Variants in PKHD1L1 observed in about 807,000 individuals in gnomAD.
The protein encoded by PKHD1L1 is PKHD1 like 1, also known as fibrocystin-L.
Under a neutral mutation model 462.9 loss-of-function variants are expected in PKHD1L1, and 434 were observed. The observed-to-expected ratio is 0.94, with a 90% CI of 0.87 to 1.02. PKHD1L1 has a LOEUF of 1.02. Among genes scored for constraint, PKHD1L1 ranks in the 50% least tolerant of loss-of-function variants. PKHD1L1 has a pLI of 0.00. For synonymous variants in PKHD1L1, 1,781 were observed against 1,750.0 expected, an observed-to-expected ratio of 1.02 and a Z score of -0.44; for missense variants, 5,202 against 5,096.1, an observed-to-expected ratio of 1.02 and a Z score of -0.63.
At position 109,485,179 on chromosome 8, in the gene PKHD1L1, T is replaced by A; in HGVS notation, c.9706+6T>A. 6.4e-7 allele frequency: 1 copy of A among 1,557,898 alleles called. No individual in the cohort carries two copies. Among genetic ancestry groups the A allele is most frequent in the African/African-American group, 1.4e-5 (1 of 72,620 alleles). ...CCTTTCCTATACTCACTTTGGTAAGTGGATGCTTTTTAACCAAATAGATAT... is the reference window on the plus strand; with the variant it reads ...CCTTTCCTATACTCACTTTGGTAAGAGGATGCTTTTTAACCAAATAGATAT... On this transcript the variant is annotated splice_donor_region_variant and intron_variant, in intron 58 of 77. Transcript: ENST00000378402.
chr8:109,449,097 T>G (rs1167095974), intron 39 of PKHD1L1, among the ~76,000 whole-genome samples: 3 of 152,184 alleles, frequency 2.0e-5, no homozygotes, highest in African/African-American at 7.2e-5. Context: ...AAAATTTTAG[T>G]TCCTCGAAAT....
intron 63 of PKHD1L1, among the ~76,000 whole-genome samples, chr8:109,493,954 C>A (rs1466003168): frequency 6.6e-6 from 1 of 151,504 alleles, no homozygotes; most frequent in East Asian, 1.9e-4. Context: ...CTTTATTTTC[C>A]CAAGTTTATG....
rs765240806 is a variant in PKHD1L1 at position 109,433,146 on chromosome 8, T to C, written c.3270T>C (p.Ser1090=). 13 of 1,613,508 alleles carry C rather than the reference T, an allele frequency of 8.1e-6. No homozygotes were observed. The highest frequency in any genetic ancestry group is 1.6e-4 in the Middle Eastern group (1 of 6,078). The part of the protein sequence containing the change: ...EEGTILTIVG[S]GFSPSSAVTV... ...GCACAATTCTAACCATAGTGGGTTC[T>C]GGATTTTCTCCTAGTTCAGCTGTAA... Residue 1090 remains serine, a synonymous_variant, in exon 28 of 78, where the codon TCT becomes TCC. Transcript: ENST00000378402.
At chr8:109,489,896 A>G in intron 59 of PKHD1L1, 56 bp from the exon 60 acceptor site, 1 of 1,070,536 alleles carries the variant, frequency 9.3e-7, no homozygotes, top group South Asian at 1.4e-5. Flanking sequence ...CTTTTCAAAA[A>G]TGTTTTATTC....
chr8:109,454,612 CAATT>C (rs1223429378), intron 44 of PKHD1L1, 107 bp from the exon 45 acceptor site: 3 of 1,419,294 alleles, frequency 2.1e-6, no homozygotes, highest in Non-Finnish European at 2.9e-6. Context: ...AACAACTGAG[CAATT>C]AATTCTCAAA....
intron 77 of PKHD1L1, among the ~76,000 whole-genome samples, chr8:109,528,510 C>T (rs1212994432): frequency 2.6e-5 from 4 of 152,094 alleles, no homozygotes; most frequent in Admixed American, 6.5e-5. Flanking sequence ...GAATTCTCTC[C>T]ACCCTACATA....
At chr8:109,415,882 T>TGC (rs1814140732) in intron 21 of PKHD1L1, among the ~76,000 whole-genome samples, 2 of 149,740 alleles carry the variant, frequency 1.3e-5, no homozygotes, top group Admixed American at 1.3e-4. Context: ...TGTGTGTGTG[T>TGC]GTGTGTGTGT....
At chr8:109,452,094 T>A (rs778907446) in intron 41 of PKHD1L1, 30 bp from the exon 42 acceptor site, 8 of 1,594,978 alleles carry the variant, frequency 5.0e-6, no homozygotes, top group African/African-American at 1.4e-5. Context: ...GAGAAAAACA[T>A]ACATGTTATG....
In PKHD1L1 at chr8:109,419,270, A is replaced by G; in HGVS notation, c.2524+10A>G. The G allele has an allele frequency of 1.3e-6, 2 of 1,565,548 alleles. No homozygotes were observed. Among genetic ancestry groups the G allele is most frequent in the Non-Finnish European group, 8.7e-7 (1 of 1,150,886 alleles). On this transcript the variant is annotated intron_variant, in intron 22 of 77. Transcript: ENST00000378402. ...ATCTCAACATTGGATGGTATGTTGTATCATTTTATCTCTGCTTTAATCTAA... is the reference window on the plus strand; with the variant it reads ...ATCTCAACATTGGATGGTATGTTGTGTCATTTTATCTCTGCTTTAATCTAA...
Position 109,448,363 on chromosome 8 carries a change from T to A in PKHD1L1, c.5997T>A (p.Leu1999=). ...AMSTVVFEYP[L]NIQNINPSQG... ...CCACAGTTGTATTTGAGTACCCGCTTAATATTCAAAATATTAATCCAAGCC... is the reference window on the plus strand; with the variant it reads ...CCACAGTTGTATTTGAGTACCCGCTAAATATTCAAAATATTAATCCAAGCC... The change falls in exon 39 of 78, where the codon CTT becomes CTA. Residue 1999 remains leucine, a synonymous_variant. Transcript: ENST00000378402. 1.9e-6 allele frequency: 3 copies of A among 1,613,140 alleles called. No homozygotes were observed. The highest frequency in any genetic ancestry group is 2.5e-6 in the Non-Finnish European group (3 of 1,179,448).
chr8:109,367,596 G>T (rs1811295062), intron 2 of PKHD1L1, among the ~76,000 whole-genome samples: 1 of 152,236 alleles, frequency 6.6e-6, no homozygotes, highest in Non-Finnish European at 1.5e-5. Flanking sequence ...AAAAGGCTGT[G>T]GTTGGGCTGG....
chr8:109,448,262 CA>C lies in PKHD1L1; in HGVS notation c.5897del (p.Gln1966ArgfsTer15). On this transcript the variant is annotated frameshift_variant, in exon 39 of 78. Transcript: ENST00000378402. LOFTEE classifies it high-confidence loss of function. ...NVTMANDSVVQCIVGDHAGGT... is the reference protein window; with the variant it reads ...NVTMANDSVVXCIVGDHAGGT... ...AACCATGGCCAATGATAGTGTGGTG[CA>C]GTGCATCGTGGGAGATCATGCTGGG... The C allele has an allele frequency of 6.2e-7, 1 of 1,613,334 alleles. No individual in the cohort carries two copies.
rs1432182419 is a variant in PKHD1L1 at position 109,515,302 on chromosome 8, A to C, written c.11686A>C (p.Lys3896Gln). The change falls in exon 72 of 78, where the codon AAA (lysine) becomes CAA (glutamine). Residue 3896 changes from lysine (K) to glutamine (Q), a missense_variant. Transcript: ENST00000378402. ...CTGTGAACTTAATAACCATCTGTAC[A>C]AAGGTATTGTCTCAGAAAAAATACA... ...KHCELNNHLY[K>Q]DQFLPNLDST... is the part of the protein sequence containing the mutation. 2.5e-6 allele frequency: 4 copies of C among 1,574,760 alleles called. No homozygotes were observed. Among genetic ancestry groups the C allele is most frequent in the Middle Eastern group, 1.7e-4 (1 of 5,934 alleles).
chr8:109,393,031 C>CAGGAGG (rs1812785936), intron 9 of PKHD1L1, among the ~76,000 whole-genome samples: 1 of 152,146 alleles, frequency 6.6e-6, no homozygotes, highest in Admixed American at 6.5e-5. Context: ...GGCAATTTCC[C>CAGGAGG]CACTAACTTA....
Position 109,522,220 on chromosome 8 carries a change from T to C in PKHD1L1, c.12066T>C (p.Ala4022=). The C allele has an allele frequency of 6.2e-7, 1 of 1,604,648 alleles. No individual in the cohort carries two copies. ...AGTTATCTGAACTCCAGGAAATTGCTGGTTCTCTTGGACAAGCTGTAATTT... is the reference window on the plus strand; with the variant it reads ...AGTTATCTGAACTCCAGGAAATTGCCGGTTCTCTTGGACAAGCTGTAATTT... ...QMQLSELQEI[A]GSLGQAVILG... The change falls in exon 74 of 78, where the codon GCT becomes GCC. Residue 4022 remains alanine, a synonymous_variant. Transcript: ENST00000378402.
At chr8:109,403,803 T>G (rs1485950277) in intron 14 of PKHD1L1, among the ~76,000 whole-genome samples, 1 of 152,092 alleles carries the variant, frequency 6.6e-6, no homozygotes, top group African/African-American at 2.4e-5. Context: ...ATATGTTGAG[T>G]GATGTGAGAC....
At chr8:109,481,317 T>A (rs1818259658) in intron 55 of PKHD1L1, 116 bp from the exon 56 acceptor site, 1 of 939,684 alleles carries the variant, frequency 1.1e-6, no homozygotes, top group African/African-American at 1.7e-5. Context: ...GTTCTTTATA[T>A]AACAAAACTC....
intron 67 of PKHD1L1, among the ~76,000 whole-genome samples, chr8:109,502,014 A>G (rs1819441649): frequency 6.6e-6 from 1 of 152,008 alleles, no homozygotes; most frequent in Non-Finnish European, 1.5e-5. Context: ...GACCCTGTGT[A>G]CTACCCAAAT....
intron 62 of PKHD1L1, 71 bp from the exon 63 acceptor site, chr8:109,493,590 A>G (rs1233091460): frequency 4.1e-6 from 4 of 979,494 alleles, no homozygotes; most frequent in Non-Finnish European, 6.1e-6. Context: ...GTATTGTCAT[A>G]TACTTACTCT....
Sources: allele counts gnomAD v4.1 joint callset (sites outside exome capture counted in the v4.1 genomes callset), GRCh38; gene constraint gnomAD v4.1.1; transcripts MANE v1.5; gene names NCBI Gene and HGNC (gene_info 2026-07-23, HGNC 2026-07-21).